ZFPM2: variants seen among roughly 807,000 people sequenced by gnomAD.
The protein encoded by ZFPM2 is zinc finger protein, FOG family member 2, also known as zinc finger protein ZFPM2.
Under a neutral mutation model 98.6 loss-of-function variants are expected in ZFPM2, and 20 were observed. The observed-to-expected ratio is 0.20, with a 90% CI of 0.14 to 0.29. ZFPM2 has a LOEUF of 0.29. ZFPM2 is among the 10% of genes least tolerant of loss of function. The pLI is 1.00. For missense variants in ZFPM2, 1,310 were observed against 1,388.6 expected, an observed-to-expected ratio of 0.94 and a Z score of 0.90; for synonymous variants, 518 against 502.7, an observed-to-expected ratio of 1.03 and a Z score of -0.41.
At chr8:105,455,779 G>C (rs748102278) in intron 3 of ZFPM2, among the ~76,000 whole-genome samples, 15 of 152,126 alleles carry the variant, frequency 9.9e-5, no homozygotes, top group Non-Finnish European at 1.8e-4. Flanking sequence ...AAAGACTAAA[G>C]GAAAGGCATG....
At chr8:105,390,543 A>G (rs769380002) in intron 1 of ZFPM2, among the ~76,000 whole-genome samples, 6 of 152,134 alleles carry the variant, frequency 3.9e-5, no homozygotes, top group Non-Finnish European at 7.4e-5. Context: ...CATAGGCATG[A>G]TTAATTGACT....
chr8:105,780,307 G>A (rs1056395087), intron 5 of ZFPM2: 5 of 152,190 alleles, frequency 3.3e-5, no homozygotes, highest in African/African-American at 9.7e-5. Flanking sequence ...GCCCATGCAA[G>A]AGGAATGTGA....
chr8:105,720,400 T>C (rs1441170820), intron 5 of ZFPM2, among the ~76,000 whole-genome samples: 1 of 151,836 alleles, frequency 6.6e-6, no homozygotes, highest in Non-Finnish European at 1.5e-5. Flanking sequence ...TAATCATAAG[T>C]TTAAAGAGTT....
intron 5 of ZFPM2, among the ~76,000 whole-genome samples, chr8:105,670,940 T>A (rs982092508): frequency 7.9e-5 from 12 of 152,178 alleles, no homozygotes; most frequent in Non-Finnish European, 1.6e-4. Flanking sequence ...GTCATTTTTT[T>A]AATTTCTGAA....
At chr8:105,360,953 T>G (rs1812846990) in intron 1 of ZFPM2, among the ~76,000 whole-genome samples, 1 of 147,098 alleles carries the variant, frequency 6.8e-6, no homozygotes, top group African/African-American at 2.5e-5. Context: ...TGTGTCTTTA[T>G]AGCAGCATGA....
chr8:105,493,653 G>A (rs569350429), intron 3 of ZFPM2, among the ~76,000 whole-genome samples: 4 of 152,168 alleles, frequency 2.6e-5, no homozygotes, highest in East Asian at 1.9e-4. Context: ...CCCTGCTGTG[G>A]TATTCCAAAC....
intron 3 of ZFPM2, among the ~76,000 whole-genome samples, chr8:105,554,801 G>A (rs192411579): frequency 6.6e-6 from 1 of 152,194 alleles, no homozygotes; most frequent in Non-Finnish European, 1.5e-5. Flanking sequence ...GAATTCAGGT[G>A]AAGCATGATT....
rs115257159 is a variant in ZFPM2, at chr8:105,591,961, A to G, written c.420+30480A>G. 5.4e-3 allele frequency among the ~76,000 whole-genome samples: 820 copies of G among 152,314 alleles called. 6 individuals carry two copies. Among genetic ancestry groups the G allele is most frequent in the African/African-American group, 0.016 (652 of 41,582 alleles). ...TTTTGTTTGTTAATTGTGTAAAAGAAAAATTTGGTAAACATTTTCATTCTG... is the reference window on the plus strand; with the variant it reads ...TTTTGTTTGTTAATTGTGTAAAAGAGAAATTTGGTAAACATTTTCATTCTG... On this transcript the variant is annotated intron_variant, in intron 4 of 7. Coordinates refer to ENST00000407775, the MANE Select transcript of ZFPM2 (RefSeq NM_012082.4).
At chr8:105,644,506 TTC>T (rs1432212938) in intron 5 of ZFPM2, among the ~76,000 whole-genome samples, 4 of 151,700 alleles carry the variant, frequency 2.6e-5, no homozygotes, top group African/African-American at 9.7e-5. Context: ...CTCTCTCTCT[TTC>T]TGTTTTTCTC....
At chr8:105,514,157 C>T (rs1314739038) in intron 3 of ZFPM2, among the ~76,000 whole-genome samples, 1 of 151,980 alleles carries the variant, frequency 6.6e-6, no homozygotes, top group Non-Finnish European at 1.5e-5. Flanking sequence ...TCCCCACCAT[C>T]ACACGCGTCT....
rs563597481 is a variant in ZFPM2, at chr8:105,476,753, C to A, written c.301+32372C>A. On this transcript the variant is annotated intron_variant, in intron 3 of 7. Transcript: ENST00000407775. ...AGAACTTAACCTATTGTTTTTTTTG[C>A]ATTTAAAAATATCCTCTTTTAAAAT... is the stretch of plus-strand genomic sequence containing the variant. Among the ~76,000 whole-genome samples, 5 of 149,816 alleles carry A rather than the reference C, an allele frequency of 3.3e-5. No individual in the cohort carries two copies. In the East Asian group the frequency reaches 9.8e-4, roughly 29 times the overall value.
At position 105,709,365 on chromosome 8, in the gene ZFPM2, G is replaced by C. The variant is rs113673080; in HGVS notation, c.532+75008G>C. ...TACTGGCCTTAGGCATATCTTAATG[G>C]AGTTGGTCAAAAGATTAGACAGGTG... On this transcript the variant is annotated intron_variant, in intron 5 of 7. Transcript: ENST00000407775. Among the ~76,000 whole-genome samples, 915 of 152,186 alleles carry C rather than the reference G, an allele frequency of 6.0e-3. 7 individuals carry two copies. The highest frequency in any genetic ancestry group is 0.021 in the African/African-American group (867 of 41,534).
intron 1 of ZFPM2, among the ~76,000 whole-genome samples, chr8:105,395,244 A>T (rs1049779174): frequency 1.1e-4 from 17 of 152,196 alleles, no homozygotes; most frequent in Non-Finnish European, 2.4e-4. Context: ...AGTATTTCCT[A>T]AAGAGTCCAG....
chr8:105,500,763 CAATA>C (rs1313948182), intron 3 of ZFPM2, among the ~76,000 whole-genome samples: 1 of 151,892 alleles, frequency 6.6e-6, no homozygotes, highest in Admixed American at 6.6e-5. Context: ...GTGTTTGCAT[CAATA>C]AATAAAGATA....
chr8:105,775,131 A>C (rs1813071435), intron 5 of ZFPM2, among the ~76,000 whole-genome samples: 1 of 151,940 alleles, frequency 6.6e-6, no homozygotes, highest in Admixed American at 6.6e-5. Context: ...ACAAGCTGAC[A>C]AAGGAATAGA....
At chr8:105,621,837 G>A (rs532927991) in intron 4 of ZFPM2, among the ~76,000 whole-genome samples, 25 of 151,904 alleles carry the variant, frequency 1.6e-4, no homozygotes, top group African/African-American at 5.1e-4. Context: ...ATTGTAAAAC[G>A]ATTATTTTAT....
At chr8:105,784,335 T>C (rs1199059746) in intron 5 of ZFPM2, among the ~76,000 whole-genome samples, 1 of 147,214 alleles carries the variant, frequency 6.8e-6, no homozygotes, top group African/African-American at 2.7e-5. Context: ...TGGTCCACAA[T>C]AGTTGGTGAT....
intron 5 of ZFPM2, among the ~76,000 whole-genome samples, chr8:105,723,523 T>C (rs1403022780): frequency 6.6e-6 from 1 of 151,902 alleles, no homozygotes; most frequent in Non-Finnish European, 1.5e-5. Context: ...TTGTTCAATA[T>C]CAAAATAACT....
At chr8:105,775,898 CA>C (rs1813094394) in intron 5 of ZFPM2, among the ~76,000 whole-genome samples, 1 of 152,066 alleles carries the variant, frequency 6.6e-6, no homozygotes, top group Non-Finnish European at 1.5e-5. Context: ...CCATGGCCTC[CA>C]ACACATTAAT....
Sources: gnomAD v4.1 joint callset for allele counts (sites outside exome capture counted in the v4.1 genomes callset) on GRCh38, gnomAD v4.1.1 for gene constraint, MANE v1.5 for transcripts, NCBI Gene and HGNC (gene_info 2026-07-23, HGNC 2026-07-21) for gene names.